KIAA0825: variants seen among roughly 807,000 people sequenced by gnomAD.
The protein encoded by KIAA0825 is uncharacterized protein KIAA0825.
In KIAA0825, 119 loss-of-function variants were observed where a neutral mutation model predicts 147.6. The observed-to-expected ratio is 0.81, with a 90% CI of 0.69 to 0.94. The LOEUF (loss-of-function observed/expected upper bound fraction) is 0.94. KIAA0825 is among the 40% of genes least tolerant of loss of function. The pLI is 0.00. For synonymous variants in KIAA0825, 470 were observed against 518.1 expected, an observed-to-expected ratio of 0.91 and a Z score of 1.26; for missense variants, 1,381 against 1,472.7, an observed-to-expected ratio of 0.94 and a Z score of 1.02.
At chr5:94,227,648 A>G (rs1214437044) in intron 20 of KIAA0825, among the ~76,000 whole-genome samples, 2 of 152,158 alleles carry the variant, frequency 1.3e-5, no homozygotes, top group African/African-American at 2.4e-5. Flanking sequence ...CAGCCATAAA[A>G]AAGATGAGTT....
Position 94,356,725 on chromosome 5 carries a change from C to CTTTTTTTTTTTTTTTTTTTTTTTTTT in KIAA0825, c.3710+27642_3710+27643insAAAAAAAAAAAAAAAAAAAAAAAAAA, listed in dbSNP as rs1172838355. Among the ~76,000 whole-genome samples the CTTTTTTTTTTTTTTTTTTTTTTTTTT allele has an allele frequency of 5.1e-5, 6 of 116,738 alleles. 1 individual carries two copies. Among genetic ancestry groups the CTTTTTTTTTTTTTTTTTTTTTTTTTT allele is most frequent in the African/African-American group, 2.0e-4 (6 of 29,466 alleles). The allele number at this position is 116,738 out of a possible 152,430, so 76.6% of individuals were successfully genotyped here. On this transcript the variant is annotated intron_variant, in intron 20 of 20. Transcript: ENST00000682413. ...TCAAACTTAAGGTTTAACTTGATTT[C>CTTTTTTTTTTTTTTTTTTTTTTTTTT]TTTTTTTTTTTTTTTTTGAGACGGA...
chr5:94,443,023 C>G (rs886349977), intron 13 of KIAA0825, among the ~76,000 whole-genome samples: 9 of 152,054 alleles, frequency 5.9e-5, no homozygotes, highest in African/African-American at 2.2e-4. Flanking sequence ...TTGAATGTCA[C>G]TTTATGCCGC....
intron 20 of KIAA0825, among the ~76,000 whole-genome samples, chr5:94,289,084 G>T (rs1284908137): frequency 1.3e-5 from 2 of 152,104 alleles, no homozygotes; most frequent in African/African-American, 4.8e-5. Flanking sequence ...GTACCCTTTT[G>T]TGTAACAGCA....
intron 2 of KIAA0825, among the ~76,000 whole-genome samples, chr5:94,558,054 T>C (rs996540284): frequency 1.6e-4 from 24 of 152,106 alleles, no homozygotes; most frequent in African/African-American, 5.8e-4. Flanking sequence ...AGTGCCTGGG[T>C]TCCTAATTGA....
chr5:94,610,384 G>A (rs1788471038), intron 1 of KIAA0825, among the ~76,000 whole-genome samples: 1 of 150,090 alleles, frequency 6.7e-6, no homozygotes, highest in Non-Finnish European at 1.5e-5. Context: ...TTGCGCCACT[G>A]GATTCCAGCC....
intron 20 of KIAA0825, among the ~76,000 whole-genome samples, chr5:94,305,890 A>C: frequency 6.6e-6 from 1 of 151,916 alleles, no homozygotes; most frequent in East Asian, 1.9e-4. Context: ...TCTAACTCGC[A>C]ATTACTTTTA....
chr5:94,563,981 G>T (rs1232174048), intron 2 of KIAA0825, among the ~76,000 whole-genome samples: 2 of 152,022 alleles, frequency 1.3e-5, no homozygotes, highest in East Asian at 3.9e-4. Context: ...CATAGTGCCT[G>T]CCCTGAGCAT....
chr5:94,362,522 G>A (rs959969331), intron 20 of KIAA0825, among the ~76,000 whole-genome samples: 4 of 149,432 alleles, frequency 2.7e-5, no homozygotes, highest in African/African-American at 9.7e-5. Flanking sequence ...TGGCTACCTG[G>A]CTGACTCATA....
At chr5:94,348,248 T>A (rs2150355146) in intron 20 of KIAA0825, among the ~76,000 whole-genome samples, 1 of 152,300 alleles carries the variant, frequency 6.6e-6, no homozygotes, top group East Asian at 1.9e-4. Context: ...AAAACTTCCC[T>A]GACCTTGTGA....
intron 20 of KIAA0825, among the ~76,000 whole-genome samples, chr5:94,185,561 C>G (rs1770043042): frequency 6.6e-6 from 1 of 152,136 alleles, no homozygotes; most frequent in Non-Finnish European, 1.5e-5. Context: ...AATTATAAGA[C>G]CCTGGAAGAA....
chr5:94,515,791 C>CAAAAAAAAAAA (rs754577018), intron 5 of KIAA0825, among the ~76,000 whole-genome samples: 7 of 93,614 alleles, frequency 7.5e-5, no homozygotes, highest in African/African-American at 2.9e-4. Flanking sequence ...GACTCTGTCT[C>CAAAAAAAAAAA]AAAAAAAAAA....
intron 20 of KIAA0825, among the ~76,000 whole-genome samples, chr5:94,166,809 C>T (rs1317532393): frequency 6.6e-6 from 1 of 151,992 alleles, no homozygotes; most frequent in African/African-American, 2.4e-5. Context: ...AAGGCAGCAA[C>T]ATTAATGACA....
intron 20 of KIAA0825, among the ~76,000 whole-genome samples, chr5:94,304,056 A>G (rs1292597029): frequency 6.6e-6 from 1 of 152,140 alleles, no homozygotes; most frequent in Non-Finnish European, 1.5e-5. Context: ...AAAACTTTCA[A>G]TAAACCCCAC....
chr5:94,391,418 A>G, intron 18 of KIAA0825, 117 bp downstream of exon 18: 1 of 910,582 alleles, frequency 1.1e-6, no homozygotes, highest in Non-Finnish European at 1.7e-6. Context: ...TGCAATATTG[A>G]GTTTGGTATT....
chr5:94,245,328 T>A (rs1012628832), intron 20 of KIAA0825, among the ~76,000 whole-genome samples: 23 of 152,126 alleles, frequency 1.5e-4, no homozygotes, highest in African/African-American at 5.3e-4. Flanking sequence ...TTTTAATAAA[T>A]CCCTCAGCAA....
intron 7 of KIAA0825, among the ~76,000 whole-genome samples, chr5:94,474,846 G>C (rs1761665649): frequency 6.6e-6 from 1 of 152,164 alleles, no homozygotes; most frequent in South Asian, 2.1e-4. Context: ...CCAGCACTTT[G>C]GGAGGCCAAG....
At chr5:94,165,395 G>T (rs1236637111) in intron 20 of KIAA0825, among the ~76,000 whole-genome samples, 1 of 152,136 alleles carries the variant, frequency 6.6e-6, no homozygotes, top group African/African-American at 2.4e-5. Flanking sequence ...GGGAACCCTT[G>T]TACACTGTTA....
At chr5:94,484,370 G>A (rs1762809653) in intron 6 of KIAA0825, among the ~76,000 whole-genome samples, 1 of 151,642 alleles carries the variant, frequency 6.6e-6, no homozygotes, top group Non-Finnish European at 1.5e-5. Context: ...TCATTATTTT[G>A]AAGGTGAGAA....
intron 2 of KIAA0825, among the ~76,000 whole-genome samples, chr5:94,566,127 T>C (rs1428170532): frequency 6.6e-6 from 1 of 152,208 alleles, no homozygotes; most frequent in African/African-American, 2.4e-5. Flanking sequence ...GGCTGAATAG[T>C]ATTCCATTGT....
Sources: allele counts gnomAD v4.1 joint callset (sites outside exome capture counted in the v4.1 genomes callset), GRCh38; gene constraint gnomAD v4.1.1; transcripts MANE v1.5; gene names NCBI Gene and HGNC (gene_info 2026-07-23, HGNC 2026-07-21).